KIF2C: variants seen among roughly 807,000 people sequenced by gnomAD.
KIF2C encodes the protein kinesin family member 2C.
A neutral mutation model predicts 97.4 loss-of-function variants in KIF2C; 34 were observed. The observed-to-expected ratio is 0.35, with a 90% CI of 0.27 to 0.46. KIF2C has a LOEUF of 0.46. Ranked by LOEUF, KIF2C falls within the 20% of genes least tolerant of loss-of-function variation. The pLI, the probability that KIF2C is intolerant of heterozygous loss-of-function variation, is 1.00. For missense variants in KIF2C, 750 were observed against 907.6 expected (o/e 0.83, Z 2.23); for synonymous variants, 313 against 318.2 (o/e 0.98, Z 0.17).
At chr1:44,750,195 AGCCGCTCTTTGTGGGAGATATCCTT>A (rs1649432949) in intron 4 of KIF2C, 1 of 306,492 alleles carries the variant, frequency 3.3e-6, no homozygotes, top group Non-Finnish European at 5.9e-6. Context: ...TACTCAAGAC[AGCCGCTCTTTGTGGGAGATATCCTT>A]GCCCTCAGGA....
At chr1:44,740,172 G>A in intron 1 of KIF2C, 170 bp downstream of exon 1, 2 of 782,184 alleles carry the variant, frequency 2.6e-6, no homozygotes, top group South Asian at 3.0e-5. Flanking sequence ...GCCTACACAG[G>A]GGTGAGAGTC....
intron 16 of KIF2C, among the ~76,000 whole-genome samples, chr1:44,761,548 C>G (rs904393165): frequency 1.3e-5 from 2 of 151,138 alleles, no homozygotes; most frequent in African/African-American, 4.9e-5. Context: ...GCAGAGCTTG[C>G]AGTGAGCTGA....
chr1:44,765,475 A>G (rs1422858139), intron 19 of KIF2C, among the ~76,000 whole-genome samples: 1 of 151,934 alleles, frequency 6.6e-6, no homozygotes, highest in Non-Finnish European at 1.5e-5. Flanking sequence ...AAAAGAAAGA[A>G]AGAAAGAAAA....
chr1:44,753,634 G>A, intron 6 of KIF2C, 99 bp from the exon 7 acceptor site: 1 of 737,594 alleles, frequency 1.4e-6, no homozygotes, highest in South Asian at 2.0e-5. Context: ...CCCTGGGAAA[G>A]GCCCAGTACT....
At chr1:44,755,297 G>A (rs1237579588) in intron 8 of KIF2C, among the ~76,000 whole-genome samples, 5 of 149,538 alleles carry the variant, frequency 3.3e-5, no homozygotes, top group Non-Finnish European at 5.9e-5. Flanking sequence ...ACAGAGTCTC[G>A]CTCTGTCGCC....
At chr1:44,757,716 A>G in intron 11 of KIF2C, 70 bp downstream of exon 11, 2 of 1,238,140 alleles carry the variant, frequency 1.6e-6, no homozygotes, top group Non-Finnish European at 2.4e-6. Flanking sequence ...AAAGGGAGAC[A>G]ATGAGTTTGT....
intron 5 of KIF2C, among the ~76,000 whole-genome samples, chr1:44,751,256 C>T (rs1427521818): frequency 6.6e-6 from 1 of 151,842 alleles, no homozygotes; most frequent in East Asian, 1.9e-4. Flanking sequence ...AGTGCAATGG[C>T]GTGGTCTTGG....
intron 19 of KIF2C, among the ~76,000 whole-genome samples, chr1:44,766,006 C>T (rs1415264452): frequency 1.3e-5 from 2 of 152,008 alleles, no homozygotes; most frequent in African/African-American, 2.4e-5. Flanking sequence ...GAGCCGAGAT[C>T]ACGCCACTGC....
chr1:44,744,173 T>A (rs1304451066), intron 2 of KIF2C, among the ~76,000 whole-genome samples: 4 of 152,100 alleles, frequency 2.6e-5, no homozygotes, highest in Non-Finnish European at 5.9e-5. Context: ...AGTGAGCCGA[T>A]TTCGGCTCAC....
chr1:44,763,995 T>C (rs1021766277), intron 19 of KIF2C, among the ~76,000 whole-genome samples: 5 of 151,452 alleles, frequency 3.3e-5, no homozygotes, highest in Non-Finnish European at 5.9e-5. Context: ...ATCGTGCCAC[T>C]GCACTCTAGC....
intron 19 of KIF2C, among the ~76,000 whole-genome samples, chr1:44,765,034 C>G (rs1213963735): frequency 6.6e-6 from 1 of 152,086 alleles, no homozygotes. Flanking sequence ...GCAGGAGAAT[C>G]ACTTGAGCCC....
intron 2 of KIF2C, among the ~76,000 whole-genome samples, chr1:44,743,662 T>C (rs1649042165): frequency 6.6e-6 from 1 of 152,120 alleles, no homozygotes; most frequent in African/African-American, 2.4e-5. Flanking sequence ...CATAGTGGCT[T>C]GCGCCTGTGG....
At chr1:44,756,544 CTTT>C (rs67641740) in intron 10 of KIF2C, among the ~76,000 whole-genome samples, 1 of 65,258 alleles carries the variant, frequency 1.5e-5, no homozygotes, top group African/African-American at 7.4e-5. Flanking sequence ...GCTCTATCTG[CTTT>C]TTTTTTTTTT....
At chr1:44,765,842 G>A (rs140045011) in intron 19 of KIF2C, among the ~76,000 whole-genome samples, 291 of 152,158 alleles carry the variant, frequency 1.9e-3, no homozygotes, top group African/African-American at 6.2e-3. Flanking sequence ...AACTAAGGTC[G>A]GGAATTTGAG....
intron 2 of KIF2C, chr1:44,746,832 T>G: frequency 1.4e-6 from 2 of 1,463,192 alleles, no homozygotes; most frequent in Non-Finnish European, 1.9e-6. Flanking sequence ...GTTGGTAAAG[T>G]TTGAATTTAG....
intron 7 of KIF2C, 128 bp downstream of exon 7, chr1:44,753,961 T>A: frequency 6.0e-5 from 12 of 199,606 alleles, no homozygotes; most frequent in East Asian, 1.9e-4. Context: ...CCCAATTCTT[T>A]TTTTTTTTTT....
At chr1:44,753,707 T>C (rs763336097) in intron 6 of KIF2C, 26 bp from the exon 7 acceptor site, 4 of 1,529,346 alleles carry the variant, frequency 2.6e-6, no homozygotes, top group Admixed American at 4.0e-5. Context: ...TTCCTTTTTT[T>C]TTCTTTTTTT....
intron 3 of KIF2C, 30 bp from the exon 4 acceptor site, chr1:44,747,622 T>C (rs770759204): frequency 3.5e-5 from 57 of 1,611,808 alleles, no homozygotes; most frequent in Non-Finnish European, 4.4e-5. Flanking sequence ...ATAAGAGCCA[T>C]ATATTGTGAC....
intron 19 of KIF2C, among the ~76,000 whole-genome samples, chr1:44,764,931 C>T (rs1417872229): frequency 6.6e-6 from 1 of 151,968 alleles, no homozygotes; most frequent in African/African-American, 2.4e-5. Context: ...ACCAGCCTGG[C>T]CAACATGGTG....
Sources: gnomAD v4.1 joint callset for allele counts (sites outside exome capture counted in the v4.1 genomes callset) on GRCh38, gnomAD v4.1.1 for gene constraint, MANE v1.5 for transcripts, NCBI Gene and HGNC (gene_info 2026-07-23, HGNC 2026-07-21) for gene names.